The following ARHGAP42 variants were observed in gnomAD, a reference collection of about 807,000 sequenced individuals.
ARHGAP42 encodes the protein rho GTPase-activating protein 42.
A neutral mutation model predicts 125.0 loss-of-function variants in ARHGAP42; 63 were observed. That is an observed-to-expected ratio of 0.50 (90% CI 0.41 to 0.62). The LOEUF (loss-of-function observed/expected upper bound fraction) is 0.62, where lower values mean the gene tolerates loss of function less well. Among genes scored for constraint, ARHGAP42 ranks in the 20% least tolerant of loss-of-function variants. ARHGAP42 has a pLI of 0.00. For synonymous variants in ARHGAP42, 339 were observed against 351.0 expected, an observed-to-expected ratio of 0.97 and a Z score of 0.38; for missense variants, 766 against 1,024.2, an observed-to-expected ratio of 0.75 and a Z score of 3.44.
intron 3 of ARHGAP42, among the ~76,000 whole-genome samples, chr11:100,855,502 T>G (rs1237158649): frequency 2.0e-5 from 3 of 152,042 alleles, no homozygotes; most frequent in Non-Finnish European, 4.4e-5. Flanking sequence ...CACTGAAAAT[T>G]CCTATCAGAT....
intron 1 of ARHGAP42, among the ~76,000 whole-genome samples, chr11:100,707,342 G>A (rs1461903198): frequency 6.6e-6 from 1 of 152,116 alleles, no homozygotes; most frequent in African/African-American, 2.4e-5. Context: ...AAGTTTATAA[G>A]CATTTAAATT....
Position 100,989,171 on chromosome 11 carries a change from T to A in ARHGAP42, c.*370T>A, listed in dbSNP as rs976845447. ...TATATGGATTTTGAGATCTGTCCTTTACTGCCTGGCATTCTCTGAGGATCT... is the reference window on the plus strand; with the variant it reads ...TATATGGATTTTGAGATCTGTCCTTAACTGCCTGGCATTCTCTGAGGATCT... On this transcript the variant is annotated 3_prime_UTR_variant, in exon 24 of 24. Transcript: ENST00000298815. The A allele has an allele frequency of 7.5e-6, 3 of 399,848 alleles. No homozygotes were observed. Among genetic ancestry groups the A allele is most frequent in the Admixed American group, 4.3e-5 (1 of 23,018 alleles). 24.8% of individuals were successfully genotyped at this position (399,848 alleles called of 1,614,324 possible).
At chr11:100,762,970 ATTTT>A (rs553749625) in intron 1 of ARHGAP42, among the ~76,000 whole-genome samples, 101 of 85,006 alleles carry the variant, frequency 1.2e-3, no homozygotes, top group African/African-American at 4.6e-3. Context: ...GTTTATAGTG[ATTTT>A]TTTTTTTTTT....
At chr11:100,908,279 A>G (rs559076528) in intron 4 of ARHGAP42, among the ~76,000 whole-genome samples, 1 of 152,350 alleles carries the variant, frequency 6.6e-6, no homozygotes, top group East Asian at 1.9e-4. Flanking sequence ...GCTTGTCATC[A>G]GTGGAAGACA....
intron 1 of ARHGAP42, among the ~76,000 whole-genome samples, chr11:100,744,387 A>G (rs567504155): frequency 6.6e-6 from 1 of 152,100 alleles, no homozygotes; most frequent in East Asian, 1.9e-4. Flanking sequence ...GGTATTTTAA[A>G]GATTTTGTGT....
At chr11:100,977,594 G>A (rs182220399) in intron 21 of ARHGAP42, among the ~76,000 whole-genome samples, 8 of 152,280 alleles carry the variant, frequency 5.3e-5, no homozygotes, top group African/African-American at 1.9e-4. Context: ...AAGCAAAAAA[G>A]AGAGATAAAA....
In ARHGAP42 at chr11:100,961,699, C is replaced by T. The variant is rs1364585061; in HGVS notation, c.1316C>T (p.Pro439Leu). 6.4e-7 allele frequency: 1 copy of T among 1,551,276 alleles called. No homozygotes were observed. The highest frequency in any genetic ancestry group is 1.4e-5 in the African/African-American group (1 of 72,992). Residue 439 changes from proline (P) to leucine (L), a missense_variant, in exon 15 of 24, where the codon CCT (proline) becomes CTT (leucine). Around this residue, in one of 3 missense-constraint regions of ARHGAP42, gnomAD observed 455 missense variants for 636.5 expected, o/e 0.71. Coordinates refer to ENST00000298815, the MANE Select transcript of ARHGAP42 (RefSeq NM_152432.4). ...MNTTFSPKSP[P>L]DIDIDIELWD... is the part of the protein sequence containing the mutation. ...TTCTTTCCAGCTCCTAAATCCCCTCCTGATATTGATATTGATATTGAACTG... is the reference window on the plus strand; with the variant it reads ...TTCTTTCCAGCTCCTAAATCCCCTCTTGATATTGATATTGATATTGAACTG...
chr11:100,834,842 CTTTTT>C (rs796992628), intron 3 of ARHGAP42, among the ~76,000 whole-genome samples: 1 of 130,872 alleles, frequency 7.6e-6, no homozygotes, highest in African/African-American at 2.8e-5. Flanking sequence ...CTTCTGAGTC[CTTTTT>C]TTTTTTTTTT....
At chr11:100,785,888 A>G (rs1219053529) in intron 2 of ARHGAP42, among the ~76,000 whole-genome samples, 1 of 152,156 alleles carries the variant, frequency 6.6e-6, no homozygotes, top group Non-Finnish European at 1.5e-5. Context: ...CCCTTTGACA[A>G]TAATGGTTTG....
chr11:100,833,924 T>C lies in ARHGAP42; in HGVS notation c.313-25630T>C, dbSNP rs61890797. On this transcript the variant is annotated intron_variant, in intron 3 of 23. Coordinates refer to ENST00000298815, the MANE Select transcript of ARHGAP42 (RefSeq NM_152432.4). ...GATACTTTTAAAAAATAAAAATTTT[T>C]AAATATCATTAGGAGGTTGTGATAG... Among the ~76,000 whole-genome samples, 83 of 152,292 alleles carry C rather than the reference T, an allele frequency of 5.5e-4. 1 individual carries two copies. Among genetic ancestry groups the C allele is most frequent in the South Asian group, 1.0e-3 (5 of 4,820 alleles).
At chr11:100,888,899 A>G (rs1866156472) in intron 4 of ARHGAP42, among the ~76,000 whole-genome samples, 1 of 152,008 alleles carries the variant, frequency 6.6e-6, no homozygotes, top group African/African-American at 2.4e-5. Flanking sequence ...GTATTTTCTC[A>G]TTTGTTTCCT....
Position 100,770,340 on chromosome 11 carries a change from C to T in ARHGAP42, c.155-3C>T. 7.2e-6 allele frequency: 11 copies of T among 1,536,846 alleles called. No homozygotes were observed. Among genetic ancestry groups the T allele is most frequent in the Non-Finnish European group, 9.6e-6 (11 of 1,140,706 alleles). On this transcript the variant is annotated splice_region_variant and splice_polypyrimidine_tract_variant and intron_variant, in intron 1 of 23. Coordinates refer to ENST00000298815, the MANE Select transcript of ARHGAP42 (RefSeq NM_152432.4). The stretch of plus-strand genomic sequence containing the variant: ...GGATTTTTTGCTTAACTTTTACTTG[C>T]AGATCTGTCTATGGCAGTGCAGAAA...
At chr11:100,763,533 G>T (rs12276239) in intron 1 of ARHGAP42, among the ~76,000 whole-genome samples, 1 of 151,954 alleles carries the variant, frequency 6.6e-6, no homozygotes, top group African/African-American at 2.4e-5. Flanking sequence ...TGTCTCCTAG[G>T]CTGGAGTGCA....
chr11:100,784,893 G>A (rs1302377168), intron 2 of ARHGAP42, among the ~76,000 whole-genome samples: 2 of 152,170 alleles, frequency 1.3e-5, no homozygotes, highest in Non-Finnish European at 2.9e-5. Context: ...TGCAGAGAAT[G>A]GCAGTAGATT....
At position 100,987,558 on chromosome 11, in the gene ARHGAP42, G is replaced by A. The variant is rs905646470; in HGVS notation, c.2502G>A (p.Glu834=). ...MYSCKAEHSH[E]LSFPQGAIFS... is the part of the protein sequence containing the mutation. ...CCTGTAAAGCAGAGCACAGTCATGA[G>A]CTTTCCTTCCCACAAGGAGCAATAT... The change falls in exon 23 of 24, where the codon GAG becomes GAA. Residue 834 remains glutamate (E), a synonymous_variant. Coordinates refer to ENST00000298815, the MANE Select transcript of ARHGAP42 (RefSeq NM_152432.4). 4.5e-6 allele frequency: 7 copies of A among 1,551,700 alleles called. No individual in the cohort carries two copies. The highest frequency in any genetic ancestry group is 1.4e-5 in the African/African-American group (1 of 73,034).
chr11:100,905,862 C>T (rs570622412), intron 4 of ARHGAP42, among the ~76,000 whole-genome samples: 20 of 152,270 alleles, frequency 1.3e-4, no homozygotes. Context: ...ACTGTGTTTC[C>T]AGCTACTCGG....
At chr11:100,963,849 C>T (rs2135303596) in intron 16 of ARHGAP42, among the ~76,000 whole-genome samples, 1 of 152,244 alleles carries the variant, frequency 6.6e-6, no homozygotes, top group South Asian at 2.1e-4. Flanking sequence ...TTACTCTTAA[C>T]CCAGAACCCT....
At chr11:100,926,985 T>C (rs545105907) in intron 6 of ARHGAP42, among the ~76,000 whole-genome samples, 7 of 152,320 alleles carry the variant, frequency 4.6e-5, no homozygotes, top group African/African-American at 1.4e-4. Flanking sequence ...TGTTTAAAGT[T>C]AATGCAGAAA....
intron 14 of ARHGAP42, 112 bp downstream of exon 14, chr11:100,961,101 G>T: frequency 1.6e-6 from 1 of 638,772 alleles, no homozygotes. Context: ...AATATTTAAA[G>T]TTCATATATG....
Sources: allele counts gnomAD v4.1 joint callset (sites outside exome capture counted in the v4.1 genomes callset), GRCh38; gene constraint gnomAD v4.1.1; regional missense constraint gnomAD v4.1.1; transcripts MANE v1.5; gene names NCBI Gene and HGNC (gene_info 2026-07-23, HGNC 2026-07-21).